Variants in FAM81A observed in about 807,000 individuals in gnomAD.
FAM81A encodes family with sequence similarity 81 member A.
Under a neutral mutation model 46.7 loss-of-function variants are expected in FAM81A, and 19 were observed. That is an observed-to-expected ratio of 0.41 (90% CI 0.28 to 0.60). The LOEUF (loss-of-function observed/expected upper bound fraction) is 0.60. Among genes scored for constraint, FAM81A ranks in the 20% least tolerant of loss-of-function variants. The pLI is 0.34. For missense variants in FAM81A, 377 were observed against 453.5 expected, an observed-to-expected ratio of 0.83 and a Z score of 1.53; for synonymous variants, 183 against 152.9, an observed-to-expected ratio of 1.20 and a Z score of -1.45.
intron 6 of FAM81A, among the ~76,000 whole-genome samples, chr15:59,510,370 A>G (rs554865423): frequency 4.4e-5 from 5 of 114,744 alleles, no homozygotes; most frequent in Middle Eastern, 4.7e-3. Context: ...CTCTGTCTCA[A>G]AAAAAAAAAA....
At chr15:59,473,975 C>T (rs1243278601) in intron 3 of FAM81A, among the ~76,000 whole-genome samples, 1 of 152,176 alleles carries the variant, frequency 6.6e-6, no homozygotes, top group African/African-American at 2.4e-5. Context: ...CAGTGCCCAG[C>T]CAGAACCATT....
chr15:59,415,623 A>G (rs558139608), intron 2 of FAM81A, among the ~76,000 whole-genome samples: 1 of 152,312 alleles, frequency 6.6e-6, no homozygotes, highest in African/African-American at 2.4e-5. Context: ...AGAGCCTCTA[A>G]AAAGAATGCA....
At chr15:59,430,146 A>G (rs2081213233) in intron 2 of FAM81A, among the ~76,000 whole-genome samples, 2 of 151,626 alleles carry the variant, frequency 1.3e-5, no homozygotes, top group South Asian at 4.2e-4. Context: ...ATCCTCAGAG[A>G]TTTTCACTGG....
Position 59,508,889 on chromosome 15 carries a change from C to G in FAM81A, c.570C>G (p.Asp190Glu). ...TTTCTCAGCTTTTGAACAGAGTGGA[C>G]TTGTCAATATCAGAGCAGAGCACCA... ...GQISQLLNRV[D>E]LSISEQSTKL... The change falls in exon 6 of 9, where the codon GAC becomes GAG. Residue 190 changes from aspartate (D) to glutamate (E), a missense_variant. Asp to Glu is a conservative substitution (Grantham distance 45). Transcript: ENST00000288228. 6.2e-7 allele frequency: 1 copy of G among 1,613,226 alleles called. No homozygotes were observed. Among genetic ancestry groups the G allele is most frequent in the Non-Finnish European group, 8.5e-7 (1 of 1,179,420 alleles).
intron 3 of FAM81A, among the ~76,000 whole-genome samples, chr15:59,462,354 T>C (rs1427258915): frequency 6.6e-6 from 1 of 152,200 alleles, no homozygotes; most frequent in East Asian, 1.9e-4. Flanking sequence ...CTAATGGATG[T>C]GTAGTGGTAT....
intron 3 of FAM81A, among the ~76,000 whole-genome samples, chr15:59,462,385 T>C (rs1476474549): frequency 6.6e-6 from 1 of 152,170 alleles, no homozygotes; most frequent in East Asian, 1.9e-4. Flanking sequence ...TTTTAATTTG[T>C]ATTTTCCTAA....
chr15:59,449,589 G>T (rs1473856982), intron 1 of FAM81A, among the ~76,000 whole-genome samples: 1 of 151,990 alleles, frequency 6.6e-6, no homozygotes, highest in Non-Finnish European at 1.5e-5. Flanking sequence ...AGACCATCCT[G>T]GCTAACACAG....
chr15:59,472,181 C>T (rs1057294061), intron 3 of FAM81A, among the ~76,000 whole-genome samples: 1 of 152,066 alleles, frequency 6.6e-6, no homozygotes, highest in African/African-American at 2.4e-5. Flanking sequence ...GAATTTAAAA[C>T]CTGAGCAGGC....
chr15:59,417,875 A>G (rs1234493649), intron 2 of FAM81A, among the ~76,000 whole-genome samples: 8 of 151,862 alleles, frequency 5.3e-5, no homozygotes, highest in Admixed American at 5.2e-4. Flanking sequence ...GCACCCATTA[A>G]CTCGTCATTT....
At chr15:59,412,479 G>A (rs573461556) in intron 2 of FAM81A, among the ~76,000 whole-genome samples, 4 of 152,178 alleles carry the variant, frequency 2.6e-5, no homozygotes, top group East Asian at 3.9e-4. Context: ...TAATCCCAAC[G>A]CTTTGGGAGG....
chr15:59,490,100 A>T (rs1487339411), intron 3 of FAM81A, among the ~76,000 whole-genome samples: 3 of 152,080 alleles, frequency 2.0e-5, no homozygotes, highest in Non-Finnish European at 1.5e-5. Flanking sequence ...ATGTACCCTG[A>T]ACCAAAAATA....
Position 59,512,342 on chromosome 15 carries a change from C to T in FAM81A, c.651-1947C>T, listed in dbSNP as rs541392410. On this transcript the variant is annotated intron_variant, in intron 6 of 8. Coordinates refer to ENST00000288228, the MANE Select transcript of FAM81A (RefSeq NM_152450.3). ...CAAAAATTAGCTGGGCATGGTGGTG[C>T]GCGCCTGTAGTCCCAGCTATTCAAG... Among the ~76,000 whole-genome samples, 6 of 151,678 alleles carry T rather than the reference C, an allele frequency of 4.0e-5. No homozygotes were observed. The South Asian group carries it at 6.3e-4, about 16-fold the overall frequency.
At chr15:59,485,449 G>A (rs1445890382) in intron 3 of FAM81A, among the ~76,000 whole-genome samples, 2 of 152,186 alleles carry the variant, frequency 1.3e-5, no homozygotes, top group African/African-American at 4.8e-5. Flanking sequence ...GAGAAAGTAA[G>A]GGAAGGGAAG....
intron 3 of FAM81A, among the ~76,000 whole-genome samples, chr15:59,473,753 G>T (rs1175167817): frequency 6.6e-6 from 1 of 152,180 alleles, no homozygotes; most frequent in African/African-American, 2.4e-5. Context: ...CGTAAGAGGT[G>T]ATAGTGTTTT....
chr15:59,428,367 C>G (rs1386336162), intron 2 of FAM81A, among the ~76,000 whole-genome samples: 1 of 151,736 alleles, frequency 6.6e-6, no homozygotes, highest in East Asian at 1.9e-4. Flanking sequence ...ATCAGACCTG[C>G]TTGACATCAC....
chr15:59,450,103 C>CTTTTT (rs56862038), intron 1 of FAM81A, among the ~76,000 whole-genome samples: 20 of 126,266 alleles, frequency 1.6e-4, no homozygotes, highest in African/African-American at 5.5e-4. Flanking sequence ...TTCTTTCTTT[C>CTTTTT]TTTTTTTTTT....
chr15:59,508,621 A>G (rs745533328), intron 5 of FAM81A, among the ~76,000 whole-genome samples: 6 of 152,192 alleles, frequency 3.9e-5, no homozygotes, highest in Non-Finnish European at 5.9e-5. Context: ...TCCTCAGAGA[A>G]TTATGTGTAA....
At chr15:59,412,944 A>C (rs1346299574) in intron 2 of FAM81A, among the ~76,000 whole-genome samples, 1 of 152,148 alleles carries the variant, frequency 6.6e-6, no homozygotes, top group Non-Finnish European at 1.5e-5. Flanking sequence ...ATCAATCAAA[A>C]ATTAAAACGT....
chr15:59,475,346 T>G (rs1245661344), intron 3 of FAM81A, among the ~76,000 whole-genome samples: 1 of 152,136 alleles, frequency 6.6e-6, no homozygotes, highest in Non-Finnish European at 1.5e-5. Context: ...TTCACCATGT[T>G]GGCCAGGCTG....
Sources: allele counts gnomAD v4.1 joint callset (sites outside exome capture counted in the v4.1 genomes callset), GRCh38; gene constraint gnomAD v4.1.1; transcripts MANE v1.5; gene names NCBI Gene and HGNC (gene_info 2026-07-23, HGNC 2026-07-21).